ANKRD55: variants seen among roughly 807,000 people sequenced by gnomAD.
ANKRD55 encodes the protein ankyrin repeat domain-containing protein 55.
ANKRD55 carries 41 observed loss-of-function variants against 60.6 expected under a neutral mutation model. The ratio of observed to expected loss-of-function variants is 0.68; its 90% CI spans 0.53 to 0.88. The LOEUF (loss-of-function observed/expected upper bound fraction) is 0.88, where lower values mean the gene tolerates loss of function less well. Ranked by LOEUF, ANKRD55 falls within the 40% of genes least tolerant of loss-of-function variation. The pLI is 0.00. For synonymous variants in ANKRD55, 264 were observed against 290.3 expected (o/e 0.91, Z 0.92); for missense variants, 732 against 767.6 (o/e 0.95, Z 0.55).
chr5:56,161,119 C>T (rs1758318996), intron 5 of ANKRD55, among the ~76,000 whole-genome samples: 1 of 152,074 alleles, frequency 6.6e-6, no homozygotes, highest in South Asian at 2.1e-4. Context: ...TGGACCCTGG[C>T]TCCATCTCAG....
chr5:56,120,295 G>A (rs1757004092), intron 8 of ANKRD55, among the ~76,000 whole-genome samples: 1 of 151,990 alleles, frequency 6.6e-6, no homozygotes, highest in South Asian at 2.1e-4. Context: ...CCAAAGTGTT[G>A]GAATTACAGG....
rs1554036580 is a variant in ANKRD55, at chr5:56,112,510, A to AAAAAAAAAAAAAAAACAAAAAAAAAAAC, written c.966-729_966-728insGTTTTTTTTTTTGTTTTTTTTTTTTTTT. On this transcript the variant is annotated intron_variant, in intron 9 of 11. Transcript: ENST00000341048. ...GGCAGGATCTCATCTCTAGCAAAAA[A>AAAAAAAAAAAAAAAACAAAAAAAAAAAC]AAAAAAAAAAAACAACCAAGGAAAG... 3.6e-5 allele frequency among the ~76,000 whole-genome samples: 5 copies of AAAAAAAAAAAAAAAACAAAAAAAAAAAC among 138,002 alleles called. 1 individual carries two copies. The highest frequency in any genetic ancestry group is 1.3e-4 in the African/African-American group (5 of 38,650). 90.5% of individuals were successfully genotyped at this position (138,002 alleles called of 152,430 possible). A position where few individuals can be genotyped will look rare whatever the true frequency, so the allele number is the denominator to read the frequency against.
At chr5:56,189,656 A>G (rs964173215) in intron 2 of ANKRD55, among the ~76,000 whole-genome samples, 5 of 152,220 alleles carry the variant, frequency 3.3e-5, no homozygotes, top group African/African-American at 1.2e-4. Context: ...TGTCAGAATT[A>G]TCTCCCTTTT....
chr5:56,114,997 T>C (rs1756843061), intron 9 of ANKRD55, among the ~76,000 whole-genome samples: 1 of 151,830 alleles, frequency 6.6e-6, no homozygotes, highest in Admixed American at 6.6e-5. Flanking sequence ...CCAGCCTGGG[T>C]AGCATAGTGA....
chr5:56,153,491 G>A (rs1343978544), intron 6 of ANKRD55, among the ~76,000 whole-genome samples: 1 of 152,178 alleles, frequency 6.6e-6, no homozygotes, highest in Non-Finnish European at 1.5e-5. Context: ...ATAGGGGAAT[G>A]GCAAAATAAA....
intron 2 of ANKRD55, among the ~76,000 whole-genome samples, chr5:56,202,270 C>A (rs894598491): frequency 2.0e-5 from 3 of 152,106 alleles, no homozygotes; most frequent in Non-Finnish European, 4.4e-5. Context: ...ATGTAACAAA[C>A]CTGCACATCC....
chr5:56,170,324 T>G (rs767498429), intron 5 of ANKRD55, among the ~76,000 whole-genome samples: 2 of 152,212 alleles, frequency 1.3e-5, no homozygotes, highest in Non-Finnish European at 2.9e-5. Context: ...CATCAGAGAC[T>G]CTGTTTTATT....
intron 10 of ANKRD55, among the ~76,000 whole-genome samples, chr5:56,107,927 T>G (rs1756538920): frequency 6.6e-6 from 1 of 151,802 alleles, no homozygotes; most frequent in South Asian, 2.1e-4. Flanking sequence ...TGGGGTGCAG[T>G]GGTGCGATCT....
intron 8 of ANKRD55, among the ~76,000 whole-genome samples, chr5:56,117,970 C>A (rs1224585919): frequency 6.6e-6 from 1 of 152,056 alleles, no homozygotes; most frequent in Admixed American, 6.6e-5. Flanking sequence ...AGGCAAAACA[C>A]TGTCTCCATT....
intron 8 of ANKRD55, among the ~76,000 whole-genome samples, chr5:56,121,760 A>G (rs958419794): frequency 1.3e-5 from 2 of 152,196 alleles, no homozygotes; most frequent in African/African-American, 4.8e-5. Flanking sequence ...TGGCACATAT[A>G]GAGGCTCCCA....
chr5:56,149,540 C>CA (rs896966574), intron 6 of ANKRD55, among the ~76,000 whole-genome samples: 1 of 151,956 alleles, frequency 6.6e-6, no homozygotes, highest in Admixed American at 6.6e-5. Flanking sequence ...TAATTTTCAA[C>CA]AAAAAAAGAA....
At chr5:56,183,400 A>T in intron 3 of ANKRD55, 112 bp downstream of exon 3, 1 of 1,371,726 alleles carries the variant, frequency 7.3e-7, no homozygotes. Flanking sequence ...ACATAGGCAC[A>T]GTATCAAAAT....
At chr5:56,135,502 T>C (rs970428499) in intron 7 of ANKRD55, among the ~76,000 whole-genome samples, 4 of 151,906 alleles carry the variant, frequency 2.6e-5, no homozygotes, top group Admixed American at 2.6e-4. Context: ...CCCGTGTAGC[T>C]GGGACTACAG....
In ANKRD55 at chr5:56,105,352, G is replaced by T. The variant is rs144812221; in HGVS notation, c.1631-2766C>A. Among the ~76,000 whole-genome samples the T allele has an allele frequency of 4.1e-3, 624 of 152,326 alleles. 1 individual carries two copies. The highest frequency in any genetic ancestry group is 0.01 in the Middle Eastern group (3 of 294). ...TCCACCCGTCTCAGCCTCCCAAAGT[G>T]TTGGGATTACAGGCGTGAGCCACCG... On this transcript the variant is annotated intron_variant, in intron 10 of 11. Transcript: ENST00000341048.
intron 2 of ANKRD55, among the ~76,000 whole-genome samples, chr5:56,220,043 G>A (rs191309498): frequency 1.3e-5 from 2 of 152,356 alleles, no homozygotes; most frequent in East Asian, 3.9e-4. Flanking sequence ...CGGAGGCTGA[G>A]CTGAGGGAGA....
At chr5:56,156,067 C>G (rs190946007) in intron 6 of ANKRD55, among the ~76,000 whole-genome samples, 6 of 152,238 alleles carry the variant, frequency 3.9e-5, no homozygotes, top group Non-Finnish European at 7.4e-5. Context: ...GATGAGGTAG[C>G]ACACTCTGGT....
chr5:56,143,169 T>G (rs1188154873), intron 7 of ANKRD55, among the ~76,000 whole-genome samples: 1 of 152,206 alleles, frequency 6.6e-6, no homozygotes, highest in East Asian at 1.9e-4. Flanking sequence ...ATGCAAAGGA[T>G]GCTCTCCTTG....
At chr5:56,230,467 C>T (rs1489059199) in intron 2 of ANKRD55, among the ~76,000 whole-genome samples, 1 of 152,310 alleles carries the variant, frequency 6.6e-6, no homozygotes, top group East Asian at 1.9e-4. Context: ...GCTGCAATGT[C>T]TTCTGTCCCC....
In ANKRD55 at chr5:56,141,186, A is replaced by C. The variant is rs1432470266; in HGVS notation, c.612+2615T>G. Among the ~76,000 whole-genome samples, 31 of 116,510 alleles carry C rather than the reference A, an allele frequency of 2.7e-4. 1 individual carries two copies. The highest frequency in any genetic ancestry group is 1.6e-5 in the Non-Finnish European group (1 of 60,802). The allele number at this position is 116,510 out of a possible 152,430, so 76.4% of individuals were successfully genotyped here. A position where few individuals can be genotyped will look rare whatever the true frequency, so the allele number is the denominator to read the frequency against. On this transcript the variant is annotated intron_variant, in intron 7 of 11. Transcript: ENST00000341048. Reference sequence around the variant, plus strand: ...GGAGTCTTGCTATATTGCCCAGGTTAGTCTTGAACTCCTGGCCTCAAGTGA... The same window carrying C: ...GGAGTCTTGCTATATTGCCCAGGTTCGTCTTGAACTCCTGGCCTCAAGTGA...
Sources: allele counts gnomAD v4.1 joint callset (sites outside exome capture counted in the v4.1 genomes callset), GRCh38; gene constraint gnomAD v4.1.1; transcripts MANE v1.5; gene names NCBI Gene and HGNC (gene_info 2026-07-23, HGNC 2026-07-21).